The following FAM53A variants were observed in gnomAD, a reference collection of about 807,000 sequenced individuals.
The protein encoded by FAM53A is family with sequence similarity 53 member A.
In FAM53A, 28 loss-of-function variants were observed where a neutral mutation model predicts 26.6. That is an observed-to-expected ratio of 1.05 (90% CI 0.78 to 1.45). The LOEUF (loss-of-function observed/expected upper bound fraction) is 1.45. Among genes scored for constraint, FAM53A ranks in the 40% most tolerant of loss-of-function variants. The probability of loss-of-function intolerance (pLI) is 0.00; values close to 1 mark genes in which losing one functional copy is unlikely to be tolerated. For missense variants in FAM53A, 650 were observed against 575.8 expected (o/e 1.13, Z -1.32); for synonymous variants, 290 against 253.1 (o/e 1.15, Z -1.38).
intron 4 of FAM53A, among the ~76,000 whole-genome samples, chr4:1,652,010 CGT>C (rs1560157553): frequency 4.1e-5 from 6 of 145,618 alleles, no homozygotes; most frequent in African/African-American, 1.5e-4. Context: ...ACACCACACA[CGT>C]CACACACACA....
At chr4:1,661,947 C>T (rs1027802191) in intron 2 of FAM53A, among the ~76,000 whole-genome samples, 1 of 152,170 alleles carries the variant, frequency 6.6e-6, no homozygotes, top group African/African-American at 2.4e-5. Flanking sequence ...GATGGAAAGG[C>T]AGAACCCAAA....
the FAM53A span, among the ~76,000 whole-genome samples, chr4:1,611,811 C>T: frequency 3.3e-5 from 5 of 152,196 alleles, no homozygotes; most frequent in South Asian, 6.2e-4. Context: ...CAGTGGATGG[C>T]GGCACATGCA....
chr4:1,668,745 C>T lies in FAM53A; in HGVS notation c.-4G>A, dbSNP rs775023413. ...TCTCAGTGATGAGTGTGACCATGGT[C>T]GGGGCCCCGTGTCCTCCGTCCACAC... is the stretch of plus-strand genomic sequence containing the variant. On this transcript the variant is annotated 5_prime_UTR_variant, in exon 2 of 5. Coordinates refer to ENST00000308132, the MANE Select transcript of FAM53A (RefSeq NM_001174070.3). 34 of 1,614,130 alleles carry T rather than the reference C, an allele frequency of 2.1e-5. No homozygotes were observed. The South Asian group carries it at 3.0e-4, about 14-fold the overall frequency.
downstream of FAM53A, among the ~76,000 whole-genome samples, chr4:1,615,546 A>G (rs963732420): frequency 2.7e-5 from 4 of 148,832 alleles, no homozygotes; most frequent in African/African-American, 1.0e-4. Context: ...ACCTGGGCAC[A>G]CATGGAAGAC....
chr4:1,668,676 C>T lies in FAM53A; in HGVS notation c.66G>A (p.Glu22=), dbSNP rs768635094. 1.2e-6 allele frequency: 2 copies of T among 1,614,150 alleles called. No homozygotes were observed. Among genetic ancestry groups the T allele is most frequent in the Admixed American group, 3.3e-5 (2 of 60,030 alleles). ...QSLDDLTCKA[E]AGPLQYSAET... ...ACCTGCAGCTGCTTACCGGGCCAGC[C>T]TCCGCCTTGCAGGTGAGGTCGTCCA... The change falls in exon 2 of 5, where the codon GAG becomes GAA. Residue 22 remains glutamate (E), a synonymous_variant. Transcript: ENST00000308132.
chr4:1,683,074 G>A (rs2109090955), intron 1 of FAM53A, among the ~76,000 whole-genome samples: 1 of 152,352 alleles, frequency 6.6e-6, no homozygotes, highest in East Asian at 1.9e-4. Flanking sequence ...CGCACAAGGA[G>A]GACTCAAGGA....
At chr4:1,615,799 C>T (rs968170989), downstream of FAM53A, among the ~76,000 whole-genome samples, 7 of 152,240 alleles carry the variant, frequency 4.6e-5, no homozygotes, top group South Asian at 2.1e-4. Context: ...ATGCAGAATC[C>T]GAACAAGGGA....
intron 1 of FAM53A, among the ~76,000 whole-genome samples, chr4:1,618,375 C>G (rs779354490): frequency 7.9e-5 from 12 of 152,194 alleles, no homozygotes; most frequent in Non-Finnish European, 1.8e-4. Context: ...GACTGGAACA[C>G]CAGTAACTGT....
At chr4:1,642,866 C>G (rs1711850150) in intron 4 of FAM53A, among the ~76,000 whole-genome samples, 1 of 152,238 alleles carries the variant, frequency 6.6e-6, no homozygotes, top group Non-Finnish European at 1.5e-5. Flanking sequence ...CCTCGTGGCT[C>G]AGGCTTGTGA....
At chr4:1,666,568 G>C (rs557950571) in intron 2 of FAM53A, among the ~76,000 whole-genome samples, 1 of 152,374 alleles carries the variant, frequency 6.6e-6, no homozygotes, top group Non-Finnish European at 1.5e-5. Context: ...CACCTCCCTG[G>C]AAAGCTGCGC....
At chr4:1,611,338 C>A in the FAM53A span, among the ~76,000 whole-genome samples, 6 of 152,178 alleles carry the variant, frequency 3.9e-5, no homozygotes, top group Non-Finnish European at 8.8e-5. Context: ...CAGTTCGAAG[C>A]CTTGGTGTTC....
chr4:1,666,943 C>T (rs2108989723), intron 2 of FAM53A, among the ~76,000 whole-genome samples: 1 of 152,284 alleles, frequency 6.6e-6, no homozygotes, highest in African/African-American at 2.4e-5. Flanking sequence ...GCCTGACCAA[C>T]ATGGTGAAAC....
chr4:1,614,722 G>A (rs889952372), downstream of FAM53A, among the ~76,000 whole-genome samples: 17 of 152,150 alleles, frequency 1.1e-4, no homozygotes, highest in Non-Finnish European at 2.2e-4. Flanking sequence ...CAACAGCTCC[G>A]TCCGCCAATC....
intron 4 of FAM53A, among the ~76,000 whole-genome samples, chr4:1,645,867 A>C (rs1712193588): frequency 6.6e-6 from 1 of 152,158 alleles, no homozygotes; most frequent in South Asian, 2.1e-4. Context: ...TACAGTTTGA[A>C]CGTATACCTC....
At chr4:1,594,950 C>T in the FAM53A span, among the ~76,000 whole-genome samples, 1 of 152,244 alleles carries the variant, frequency 6.6e-6, no homozygotes, top group Non-Finnish European at 1.5e-5. Flanking sequence ...GAAGTCTGTT[C>T]CTTCTGCAGA....
At chr4:1,612,159 T>C in the FAM53A span, among the ~76,000 whole-genome samples, 1 of 152,220 alleles carries the variant, frequency 6.6e-6, no homozygotes, top group Admixed American at 6.5e-5. Context: ...CCGTTTATGA[T>C]TGAAATGAGA....
chr4:1,639,436 C>A (rs1711510082), downstream of FAM53A, among the ~76,000 whole-genome samples: 1 of 152,188 alleles, frequency 6.6e-6, no homozygotes, highest in Non-Finnish European at 1.5e-5. Flanking sequence ...CTTCCCTTCA[C>A]ACGAGGCCAG....
intron 2 of FAM53A, among the ~76,000 whole-genome samples, chr4:1,660,859 T>A (rs1430721029): frequency 1.3e-5 from 2 of 151,214 alleles, no homozygotes; most frequent in African/African-American, 4.9e-5. Context: ...CCAGCCTGGG[T>A]GACAGAGCCA....
the FAM53A span, among the ~76,000 whole-genome samples, chr4:1,576,968 C>T: frequency 6.6e-6 from 1 of 152,168 alleles, no homozygotes; most frequent in African/African-American, 2.4e-5. Flanking sequence ...AGGGTGCCCC[C>T]GCCCCTCCCT....
Sources: gnomAD v4.1 joint callset for allele counts (sites outside exome capture counted in the v4.1 genomes callset) on GRCh38, gnomAD v4.1.1 for gene constraint, MANE v1.5 for transcripts, NCBI Gene and HGNC (gene_info 2026-07-23, HGNC 2026-07-21) for gene names.